The following TAF4 variants were observed in gnomAD, a reference collection of about 807,000 sequenced individuals.
TAF4 encodes the protein transcription initiation factor TFIID subunit 4.
TAF4 carries 9 observed loss-of-function variants against 90.3 expected under a neutral mutation model. That is an observed-to-expected ratio of 0.10 (90% CI 0.06 to 0.17). The LOEUF is 0.17. TAF4 is among the 10% of genes least tolerant of loss of function. The pLI, the probability that TAF4 is intolerant of heterozygous loss-of-function variation, is 1.00. For missense variants in TAF4, 1,351 were observed against 1,370.7 expected (o/e 0.99, Z 0.23); for synonymous variants, 818 against 638.9 (o/e 1.28, Z -4.23).
At chr20:62,013,420 A>G (rs879321376) in intron 2 of TAF4, among the ~76,000 whole-genome samples, 1 of 152,252 alleles carries the variant, frequency 6.6e-6, no homozygotes, top group Non-Finnish European at 1.5e-5. Context: ...AGAGACTGAC[A>G]TGGAAAGAGC....
chr20:62,025,738 T>C (rs28742596), intron 1 of TAF4, among the ~76,000 whole-genome samples: 133 of 152,360 alleles, frequency 8.7e-4, no homozygotes, highest in Admixed American at 2.6e-3. Context: ...GGGTATTTTT[T>C]TATAGCAATG....
chr20:61,996,234 T>C (rs1226776584), intron 14 of TAF4, among the ~76,000 whole-genome samples: 1 of 151,822 alleles, frequency 6.6e-6, no homozygotes, highest in East Asian at 1.9e-4. Context: ...ACTACAAAAT[T>C]AGCCAGGCAT....
At chr20:62,064,137 G>A (rs1303852792) in intron 1 of TAF4, among the ~76,000 whole-genome samples, 8 of 152,252 alleles carry the variant, frequency 5.3e-5, no homozygotes, top group African/African-American at 1.4e-4. Flanking sequence ...CGCATAGGGC[G>A]GGAGCAGGTA....
chr20:62,042,838 A>G (rs2055971764), intron 1 of TAF4, among the ~76,000 whole-genome samples: 1 of 152,230 alleles, frequency 6.6e-6, no homozygotes, highest in Non-Finnish European at 1.5e-5. Context: ...GGAAGAGTCC[A>G]GAAGAAGGTA....
At chr20:61,988,596 A>T (rs1490295622) in intron 14 of TAF4, among the ~76,000 whole-genome samples, 1 of 152,236 alleles carries the variant, frequency 6.6e-6, no homozygotes, top group Non-Finnish European at 1.5e-5. Context: ...AGAATGACTG[A>T]GCATCATCTT....
intron 9 of TAF4, among the ~76,000 whole-genome samples, 180 bp downstream of exon 9, chr20:62,002,980 T>G (rs1196689920): frequency 6.6e-6 from 1 of 152,204 alleles, no homozygotes; most frequent in Non-Finnish European, 1.5e-5. Context: ...TTGAGCCAAC[T>G]GTATGGGAAA....
intron 14 of TAF4, among the ~76,000 whole-genome samples, chr20:61,986,121 A>C (rs1301643658): frequency 1.6e-5 from 2 of 126,192 alleles, no homozygotes; most frequent in Non-Finnish European, 3.4e-5. Context: ...AACCAAAGGA[A>C]ACACCATCCC....
intron 1 of TAF4, among the ~76,000 whole-genome samples, chr20:62,033,866 C>A (rs555735017): frequency 6.6e-6 from 1 of 151,974 alleles, no homozygotes; most frequent in South Asian, 2.1e-4. Flanking sequence ...CACGGTGAAA[C>A]CCCTTCTCTA....
At chr20:62,004,322 TC>T (rs2055729118) in intron 7 of TAF4, among the ~76,000 whole-genome samples, 1 of 129,740 alleles carries the variant, frequency 7.7e-6, no homozygotes, top group African/African-American at 2.8e-5. Flanking sequence ...TTTTTTCTTT[TC>T]TTTTCTTTTT....
intron 1 of TAF4, among the ~76,000 whole-genome samples, chr20:62,027,781 T>C (rs1234104157): frequency 6.6e-6 from 1 of 152,226 alleles, no homozygotes; most frequent in African/African-American, 2.4e-5. Context: ...ACACTGACTG[T>C]CACCAAGCCC....
intron 14 of TAF4, among the ~76,000 whole-genome samples, chr20:61,982,951 C>T (rs1052330379): frequency 2.6e-5 from 4 of 152,200 alleles, no homozygotes; most frequent in African/African-American, 4.8e-5. Flanking sequence ...AAGCCGCCTC[C>T]GGTCAGGGCC....
intron 14 of TAF4, among the ~76,000 whole-genome samples, chr20:61,991,023 A>G (rs537418613): frequency 6.6e-6 from 1 of 152,340 alleles, no homozygotes; most frequent in South Asian, 2.1e-4. Flanking sequence ...TACAGACCAC[A>G]GAAGACCTCA....
At chr20:62,026,570 G>A (rs1276623268) in intron 1 of TAF4, among the ~76,000 whole-genome samples, 1 of 152,164 alleles carries the variant, frequency 6.6e-6, no homozygotes, top group Non-Finnish European at 1.5e-5. Context: ...GTGGGAGCTG[G>A]CTCCAGCCCC....
chr20:62,029,373 T>A (rs1458141308), intron 1 of TAF4, among the ~76,000 whole-genome samples: 4 of 152,142 alleles, frequency 2.6e-5, no homozygotes, highest in Non-Finnish European at 1.5e-5. Context: ...GGTGGGCAAG[T>A]GGAGTAACAA....
intron 1 of TAF4, among the ~76,000 whole-genome samples, chr20:62,015,074 G>A (rs1182727094): frequency 6.6e-6 from 1 of 152,104 alleles, no homozygotes; most frequent in African/African-American, 2.4e-5. Context: ...TCCTGCCTGT[G>A]CCAGGGCCAC....
At chr20:62,044,553 G>C (rs1349467759) in intron 1 of TAF4, among the ~76,000 whole-genome samples, 1 of 152,156 alleles carries the variant, frequency 6.6e-6, no homozygotes, top group Non-Finnish European at 1.5e-5. Context: ...CATCCTTAAA[G>C]AATAAATTCT....
chr20:62,021,223 A>G (rs1232810210), intron 1 of TAF4, among the ~76,000 whole-genome samples: 2 of 152,250 alleles, frequency 1.3e-5, no homozygotes. Context: ...CAAAAAAGGT[A>G]TATTCTGTAA....
In TAF4 at chr20:62,049,833, C is replaced by T. The variant is rs60031829; in HGVS notation, c.1360+14618G>A. Among the ~76,000 whole-genome samples the T allele has an allele frequency of 7.2e-5, 11 of 152,282 alleles. No individual in the cohort carries two copies. The East Asian group carries it at 1.7e-3, about 24-fold the overall frequency. On this transcript the variant is annotated intron_variant, in intron 1 of 14. Transcript: ENST00000252996. ...CATAGAAATGCGAGCCTCAGTGTCT[C>T]GTCCCTAGGCAGGTTTCACGACACC...
intron 1 of TAF4, among the ~76,000 whole-genome samples, chr20:62,024,476 TGAG>T (rs2145487513): frequency 6.6e-6 from 1 of 152,342 alleles, no homozygotes; most frequent in African/African-American, 2.4e-5. Context: ...TGCTAGAGAA[TGAG>T]AAGACAAGGC....
Sources: allele counts gnomAD v4.1 joint callset (sites outside exome capture counted in the v4.1 genomes callset), GRCh38; gene constraint gnomAD v4.1.1; transcripts MANE v1.5; gene names NCBI Gene and HGNC (gene_info 2026-07-23, HGNC 2026-07-21).